The following AOX1 variants were observed in gnomAD, a reference collection of about 807,000 sequenced individuals.
AOX1 encodes the protein aldehyde oxidase 1.
Under a neutral mutation model 169.5 loss-of-function variants are expected in AOX1, and 153 were observed. The ratio of observed to expected loss-of-function variants is 0.90; its 90% CI spans 0.79 to 1.03. AOX1 has a LOEUF of 1.03. Among genes scored for constraint, AOX1 ranks in the 50% least tolerant of loss-of-function variants. The pLI, the probability that AOX1 is intolerant of heterozygous loss-of-function variation, is 0.00. For missense variants in AOX1, 1,656 were observed against 1,663.9 expected, an observed-to-expected ratio of 1.00 and a Z score of 0.08; for synonymous variants, 562 against 581.9, an observed-to-expected ratio of 0.97 and a Z score of 0.49.
chr2:200,590,541 A>C (rs1359238508), intron 1 of AOX1, among the ~76,000 whole-genome samples: 1 of 151,974 alleles, frequency 6.6e-6, no homozygotes, highest in Non-Finnish European at 1.5e-5. Flanking sequence ...CACTTCCTCC[A>C]AATACAACCC....
chr2:200,650,905 G>A (rs1559255556), intron 25 of AOX1, 69 bp from the exon 26 acceptor site: 1 of 1,427,292 alleles, frequency 7.0e-7, no homozygotes, highest in East Asian at 2.4e-5. Context: ...TGACCAGGAG[G>A]ATGGTGAATG....
chr2:200,657,190 A>ATATTTTTTTTTTTTTT, intron 27 of AOX1, among the ~76,000 whole-genome samples: 18 of 62,870 alleles, frequency 2.9e-4, no homozygotes, highest in African/African-American at 1.4e-3. Context: ...ATATATATAT[A>ATATTTTTTTTTTTTTT]TTTTTTTTTT....
At chr2:200,591,955 CT>C (rs2106364645) in intron 1 of AOX1, among the ~76,000 whole-genome samples, 1 of 151,856 alleles carries the variant, frequency 6.6e-6, no homozygotes, top group Non-Finnish European at 1.5e-5. Context: ...CTTGGTGACA[CT>C]GATTGTGGTG....
downstream of AOX1, among the ~76,000 whole-genome samples, chr2:200,674,974 C>G (rs1044478447): frequency 6.6e-6 from 1 of 152,172 alleles, no homozygotes; most frequent in African/African-American, 2.4e-5. Flanking sequence ...AACATCACGC[C>G]GGGGCAATTT....
intron 27 of AOX1, among the ~76,000 whole-genome samples, chr2:200,658,014 T>C (rs548475143): frequency 1.3e-5 from 2 of 152,366 alleles, no homozygotes; most frequent in South Asian, 4.1e-4. Flanking sequence ...ATGAATTGTA[T>C]GTGGCTGCAT....
chr2:200,592,358 A>G (rs913522176), intron 1 of AOX1, among the ~76,000 whole-genome samples: 1 of 152,202 alleles, frequency 6.6e-6, no homozygotes, highest in Non-Finnish European at 1.5e-5. Context: ...GAAAATTACT[A>G]TAATATGGTG....
intron 10 of AOX1, 70 bp downstream of exon 10, chr2:200,605,698 A>G: frequency 1.5e-6 from 1 of 665,840 alleles, no homozygotes; most frequent in Non-Finnish European, 2.4e-6. Context: ...CCCAGCAGAC[A>G]AGCAGAAAAA....
At position 200,671,027 on chromosome 2, in the gene AOX1, T is replaced by C; in HGVS notation, c.*348T>C. 1 of 225,216 alleles carries C rather than the reference T, an allele frequency of 4.4e-6. No individual in the cohort carries two copies. The highest frequency in any genetic ancestry group is 8.7e-6 in the Non-Finnish European group (1 of 115,070). 14.0% of individuals were successfully genotyped at this position (225,216 alleles called of 1,614,324 possible). ...ATCCACCAACAGAAATTATACCATA[T>C]AGTGAAAGGCAATTTTCTAAATAAT... is the stretch of plus-strand genomic sequence containing the variant. On this transcript the variant is annotated 3_prime_UTR_variant, in exon 35 of 35. Transcript: ENST00000374700.
downstream of AOX1, among the ~76,000 whole-genome samples, chr2:200,677,433 C>T (rs1298335017): frequency 6.6e-6 from 1 of 152,142 alleles, no homozygotes; most frequent in Non-Finnish European, 1.5e-5. Context: ...TCTCTTCCTC[C>T]CCACTTCCTC....
In AOX1 at chr2:200,651,088, T is replaced by A; in HGVS notation, c.2962T>A (p.Leu988Met). 1 of 1,614,134 alleles carries A rather than the reference T, an allele frequency of 6.2e-7. No individual in the cohort carries two copies. The highest frequency in any genetic ancestry group is 8.5e-7 in the Non-Finnish European group (1 of 1,179,992). ...ATGTATGGCCATGTCTTCCTACTCC[T>A]TGAGGAAAGTTGCTGTGGAAAAGTT... Reference protein sequence around the residue: ...RECMAMSSYSLRKVAVEKFNA... With the variant: ...RECMAMSSYSMRKVAVEKFNA... The change falls in exon 26 of 35, where the codon TTG (leucine) becomes ATG (methionine). Residue 988 changes from leucine to methionine, a missense_variant. Physicochemically the swap from Leu to Met is conservative, Grantham distance 15 (BLOSUM62 2). Transcript: ENST00000374700.
chr2:200,681,504 T>G (rs1359732038), downstream of AOX1: 1 of 152,660 alleles, frequency 6.6e-6, no homozygotes, highest in Non-Finnish European at 1.5e-5. Flanking sequence ...GTCTCTAACC[T>G]CTTCAACTGT....
At chr2:200,659,349 G>A in intron 28 of AOX1, 56 bp downstream of exon 28, 1 of 1,567,206 alleles carries the variant, frequency 6.4e-7, no homozygotes. Flanking sequence ...CCAAATACGT[G>A]GGTGGGTGGA....
intron 26 of AOX1, among the ~76,000 whole-genome samples, chr2:200,655,764 A>G (rs1427258321): frequency 6.6e-6 from 1 of 152,028 alleles, no homozygotes; most frequent in Non-Finnish European, 1.5e-5. Context: ...TTCTCCAAGC[A>G]TGGTCCACGG....
chr2:200,608,165 TA>T (rs780506432), intron 10 of AOX1, among the ~76,000 whole-genome samples: 6 of 150,580 alleles, frequency 4.0e-5, no homozygotes, highest in African/African-American at 9.8e-5. Context: ...ACAGAAAGCA[TA>T]AAAAAAAAGA....
At chr2:200,643,858 T>C (rs1179422758) in intron 25 of AOX1, among the ~76,000 whole-genome samples, 1 of 152,226 alleles carries the variant, frequency 6.6e-6, no homozygotes, top group Non-Finnish European at 1.5e-5. Flanking sequence ...CTATATCTTG[T>C]TTTGTGAATT....
intron 30 of AOX1, among the ~76,000 whole-genome samples, chr2:200,662,033 A>C (rs1417313946): frequency 1.3e-5 from 2 of 152,236 alleles, no homozygotes; most frequent in Non-Finnish European, 2.9e-5. Context: ...CACCTTCAGG[A>C]TTGGCAAAAA....
chr2:200,612,196 C>T (rs1015729974), intron 13 of AOX1, among the ~76,000 whole-genome samples: 7 of 152,134 alleles, frequency 4.6e-5, no homozygotes, highest in Non-Finnish European at 8.8e-5. Flanking sequence ...TGAGGCTTTG[C>T]ATGAGATAGA....
intron 19 of AOX1, among the ~76,000 whole-genome samples, chr2:200,624,236 CT>C (rs1444015130): frequency 6.6e-6 from 1 of 152,262 alleles, no homozygotes; most frequent in Non-Finnish European, 1.5e-5. Context: ...ACAACCTGGA[CT>C]TCCTTGTTCA....
intron 16 of AOX1, among the ~76,000 whole-genome samples, chr2:200,617,304 G>C (rs1039091186): frequency 6.6e-6 from 1 of 152,006 alleles, no homozygotes; most frequent in Non-Finnish European, 1.5e-5. Flanking sequence ...CACTCACGAA[G>C]AGCATTTTTC....
Sources: allele counts gnomAD v4.1 joint callset (sites outside exome capture counted in the v4.1 genomes callset), GRCh38; gene constraint gnomAD v4.1.1; transcripts MANE v1.5; gene names NCBI Gene and HGNC (gene_info 2026-07-23, HGNC 2026-07-21).